Variants in CPEB2 observed in about 807,000 individuals in gnomAD.
The protein encoded by CPEB2 is cytoplasmic polyadenylation element-binding protein 2.
CPEB2 carries 56 observed loss-of-function variants against 93.6 expected under a neutral mutation model. That is an observed-to-expected ratio of 0.60 (90% confidence interval 0.48 to 0.75). CPEB2 has a LOEUF of 0.75. CPEB2 is among the 30% of genes least tolerant of loss of function. The pLI is 0.00. For synonymous variants in CPEB2, 764 were observed against 586.3 expected, an observed-to-expected ratio of 1.30 and a Z score of -4.38; for missense variants, 1,579 against 1,395.1, an observed-to-expected ratio of 1.13 and a Z score of -2.10.
At chr4:15,064,167 T>G (rs780577133) in intron 11 of CPEB2, among the ~76,000 whole-genome samples, 8 of 152,136 alleles carry the variant, frequency 5.3e-5, no homozygotes, top group African/African-American at 1.9e-4. Flanking sequence ...TGGAAAGCAG[T>G]CACCACAGAT....
chr4:15,050,846 T>C (rs1358468083), intron 6 of CPEB2, among the ~76,000 whole-genome samples: 1 of 152,208 alleles, frequency 6.6e-6, no homozygotes, highest in Non-Finnish European at 1.5e-5. Flanking sequence ...ATTGATGTTA[T>C]AAAGGACCTT....
chr4:15,026,552 A>G (rs960231214), intron 4 of CPEB2, among the ~76,000 whole-genome samples: 1 of 152,070 alleles, frequency 6.6e-6, no homozygotes, highest in Non-Finnish European at 1.5e-5. Context: ...TATCTTTCAC[A>G]TAATCTTTCA....
At chr4:15,034,298 G>A (rs1726395816) in intron 5 of CPEB2, among the ~76,000 whole-genome samples, 1 of 152,188 alleles carries the variant, frequency 6.6e-6, no homozygotes, top group African/African-American at 2.4e-5. Context: ...ACTGAGTCAT[G>A]TGGAAGCAAA....
chr4:15,057,614 G>A (rs546415743), intron 8 of CPEB2, among the ~76,000 whole-genome samples: 5 of 152,234 alleles, frequency 3.3e-5, no homozygotes, highest in African/African-American at 1.2e-4. Flanking sequence ...AAATTTTGAT[G>A]CCTTCTTTTT....
intron 10 of CPEB2, 72 bp downstream of exon 10, chr4:15,059,373 G>T: frequency 1.0e-6 from 1 of 992,550 alleles, no homozygotes; most frequent in Non-Finnish European, 1.6e-6. Flanking sequence ...ATAAACGTTT[G>T]GAAGCTATTG....
chr4:15,060,718 TA>T lies in CPEB2; in HGVS notation c.2696-1360del, dbSNP rs546470346. On this transcript the variant is annotated intron_variant, in intron 10 of 11. Coordinates refer to ENST00000538197, the MANE Select transcript of CPEB2 (RefSeq NM_001177382.2). ...TTCAATTAAACCATGGTATATGGTA[TA>T]TTTTTTTATGTATTTTTATGGTGGT... Among the ~76,000 whole-genome samples, 25 of 152,312 alleles carry T rather than the reference TA, an allele frequency of 1.6e-4. No homozygotes were observed. The South Asian group carries it at 2.5e-3, about 15-fold the overall frequency.
chr4:15,004,186 A>G lies in CPEB2; in HGVS notation c.1513A>G (p.Met505Val). ...TAVPPPPPPAMNIPQQQPPPP... is the reference protein window; with the variant it reads ...TAVPPPPPPAVNIPQQQPPPP... ...TGTGCCCCCTCCGCCGCCGCCCGCC[A>G]TGAATATACCTCAACAGCAGCCCCC... Residue 505 changes from methionine to valine, a missense_variant, in exon 1 of 12, where the codon ATG becomes GTG. Physicochemically the swap from Met to Val is conservative, Grantham distance 21. Transcript: ENST00000538197. 5 of 1,225,216 alleles carry G rather than the reference A, an allele frequency of 4.1e-6. No individual in the cohort carries two copies. In the South Asian group the frequency reaches 5.4e-5, roughly 13 times the overall value. The allele number at this position is 1,225,216 out of a possible 1,614,324, so 75.9% of individuals were successfully genotyped here.
At chr4:15,019,270 C>T (rs1419064025) in intron 4 of CPEB2, among the ~76,000 whole-genome samples, 1 of 151,212 alleles carries the variant, frequency 6.6e-6, no homozygotes, top group Non-Finnish European at 1.5e-5. Context: ...CATCATATCC[C>T]TATTTAAAAT....
chr4:15,023,092 T>G (rs980501521), intron 4 of CPEB2, among the ~76,000 whole-genome samples: 2 of 152,038 alleles, frequency 1.3e-5, no homozygotes, highest in Non-Finnish European at 2.9e-5. Context: ...ACAATGAATT[T>G]TATTAAAATC....
In CPEB2 at chr4:15,004,202, A is replaced by T; in HGVS notation, c.1529A>T (p.Gln510Leu). Reference sequence around the variant, plus strand: ...CCGCCCGCCATGAATATACCTCAACAGCAGCCCCCGCCGCCCGCGGCGCCG... The same window carrying T: ...CCGCCCGCCATGAATATACCTCAACTGCAGCCCCCGCCGCCCGCGGCGCCG... ...PPPPAMNIPQQQPPPPAAPQQ... is the reference protein window; with the variant it reads ...PPPPAMNIPQLQPPPPAAPQQ... The change falls in exon 1 of 12, where the codon CAG becomes CTG. Residue 510 changes from glutamine (Q) to leucine (L), a missense_variant. This residue lies in a region of CPEB2 where 1,411 missense variants were observed against 1,056.0 expected (regional missense o/e 1.34). Coordinates refer to ENST00000538197, the MANE Select transcript of CPEB2 (RefSeq NM_001177382.2). The T allele has an allele frequency of 1.4e-6, 2 of 1,479,642 alleles. No individual in the cohort carries two copies. Among genetic ancestry groups the T allele is most frequent in the Non-Finnish European group, 1.8e-6 (2 of 1,120,250 alleles). The allele number at this position is 1,479,642 out of a possible 1,614,324, so 91.7% of individuals were successfully genotyped here.
rs1267908252 is a variant in CPEB2 at position 15,069,680 on chromosome 4, A to T, written c.*3300A>T. ...TTTTTATGTGGAAATATATAATTTT[A>T]TGACACTAATTGCTAAAGTTTATTT... On this transcript the variant is annotated 3_prime_UTR_variant, in exon 12 of 12. Transcript: ENST00000538197. The T allele has an allele frequency of 1.3e-5, 2 of 152,128 alleles. No homozygotes were observed. Among genetic ancestry groups the T allele is most frequent in the East Asian group, 3.9e-4 (2 of 5,168 alleles). The allele number at this position is 152,128 out of a possible 1,614,324, so 9.4% of individuals were successfully genotyped here.
Position 15,003,785 on chromosome 4 carries a change from C to T in CPEB2, c.1112C>T (p.Ala371Val). The change falls in exon 1 of 12, where the codon GCG becomes GTG. Residue 371 changes from alanine (A) to valine (V), a missense_variant. Ala to Val is a moderately conservative substitution (Grantham distance 64, BLOSUM62 0). Coordinates refer to ENST00000538197, the MANE Select transcript of CPEB2 (RefSeq NM_001177382.2). The part of the protein sequence containing the change: ...PPGGGGGGGS[A>V]SPPPLPGFGT... ...GGAGGCGGAGGGGGAGGCGGCTCCG[C>T]GTCGCCGCCGCCGCTGCCCGGCTTC... The T allele has an allele frequency of 1.0e-6, 1 of 969,056 alleles. No individual in the cohort carries two copies. The highest frequency in any genetic ancestry group is 1.3e-6 in the Non-Finnish European group (1 of 777,914). 60.0% of individuals were successfully genotyped at this position (969,056 alleles called of 1,614,324 possible).
At chr4:15,005,172 CTG>C (rs1722652068) in intron 1 of CPEB2, 2 of 152,224 alleles carry the variant, frequency 1.3e-5, no homozygotes, top group African/African-American at 4.8e-5. Flanking sequence ...GAAAGAGAAA[CTG>C]TTAGTGACCG....
intron 3 of CPEB2, among the ~76,000 whole-genome samples, chr4:15,008,857 T>G (rs1723132989): frequency 6.6e-6 from 1 of 152,212 alleles, no homozygotes; most frequent in Non-Finnish European, 1.5e-5. Context: ...TTGAGATATA[T>G]TTCTAAAAAA....
chr4:15,067,826 T>G lies in CPEB2; in HGVS notation c.*1446T>G, dbSNP rs569252702. Reference sequence around the variant, plus strand: ...CTGGGGTCACTGTTGCATGGAACATTGTTCTTAATAGTTGAGAATTGCTTT... The same window carrying G: ...CTGGGGTCACTGTTGCATGGAACATGGTTCTTAATAGTTGAGAATTGCTTT... On this transcript the variant is annotated 3_prime_UTR_variant, in exon 12 of 12. Transcript: ENST00000538197. 5.4e-4 allele frequency: 83 copies of G among 152,496 alleles called. No individual in the cohort carries two copies. The highest frequency in any genetic ancestry group is 1.8e-3 in the African/African-American group (75 of 41,536). 9.4% of individuals were successfully genotyped at this position (152,496 alleles called of 1,614,324 possible).
chr4:15,029,211 T>C (rs1168117851), intron 4 of CPEB2, among the ~76,000 whole-genome samples: 2 of 152,104 alleles, frequency 1.3e-5, no homozygotes, highest in African/African-American at 2.4e-5. Context: ...AAGCTTTGCT[T>C]TCTGGAACAT....
At chr4:15,036,395 A>C (rs571370489) in intron 5 of CPEB2, among the ~76,000 whole-genome samples, 49 of 152,318 alleles carry the variant, frequency 3.2e-4, no homozygotes, top group African/African-American at 1.2e-3. Flanking sequence ...GAAGCACTTT[A>C]GGGAAGTCAC....
At chr4:15,040,666 A>G (rs921161796) in intron 6 of CPEB2, among the ~76,000 whole-genome samples, 179 bp downstream of exon 6, 5 of 152,182 alleles carry the variant, frequency 3.3e-5, no homozygotes, top group Non-Finnish European at 7.4e-5. Context: ...CTGTATTTTT[A>G]TACTAATTGT....
chr4:15,059,922 T>C (rs1729038563), intron 10 of CPEB2, among the ~76,000 whole-genome samples: 1 of 152,166 alleles, frequency 6.6e-6, no homozygotes, highest in African/African-American at 2.4e-5. Context: ...GAACTATTCA[T>C]ACATGGAAAT....
Sources: allele counts gnomAD v4.1 joint callset (sites outside exome capture counted in the v4.1 genomes callset), GRCh38; gene constraint gnomAD v4.1.1; regional missense constraint gnomAD v4.1.1; transcripts MANE v1.5; gene names NCBI Gene and HGNC (gene_info 2026-07-23, HGNC 2026-07-21).